Variants in CD86 observed in about 807,000 individuals in gnomAD.
CD86 encodes the protein T-lymphocyte activation antigen CD86.
CD86 carries 11 observed loss-of-function variants against 32.1 expected under a neutral mutation model. The ratio of observed to expected loss-of-function variants is 0.34; its 90% CI spans 0.22 to 0.57. The LOEUF (loss-of-function observed/expected upper bound fraction) is 0.57. Ranked by LOEUF, CD86 falls within the 20% of genes least tolerant of loss-of-function variation. The pLI, the probability that CD86 is intolerant of heterozygous loss-of-function variation, is 0.86. For synonymous variants in CD86, 137 were observed against 135.3 expected, an observed-to-expected ratio of 1.01 and a Z score of -0.09; for missense variants, 359 against 398.4, an observed-to-expected ratio of 0.90 and a Z score of 0.84.
At chr3:122,085,846 C>T (rs1383630028) in intron 1 of CD86, among the ~76,000 whole-genome samples, 7 of 152,304 alleles carry the variant, frequency 4.6e-5, no homozygotes, top group East Asian at 1.9e-4. Flanking sequence ...CTCCTCTCAG[C>T]GAGCTGGTGA....
chr3:122,078,944 G>A (rs527480174), intron 1 of CD86, among the ~76,000 whole-genome samples: 5 of 152,264 alleles, frequency 3.3e-5, no homozygotes, highest in East Asian at 1.9e-4. Flanking sequence ...TGCAGATACC[G>A]TTAATATTAT....
intron 1 of CD86, among the ~76,000 whole-genome samples, chr3:122,062,645 T>C (rs184774902): frequency 6.6e-6 from 1 of 152,270 alleles, no homozygotes; most frequent in African/African-American, 2.4e-5. Context: ...TTTGAGCTAG[T>C]TTGGTTGGTA....
intron 1 of CD86, among the ~76,000 whole-genome samples, chr3:122,070,809 G>A (rs914336787): frequency 2.6e-5 from 4 of 152,142 alleles, no homozygotes; most frequent in African/African-American, 7.2e-5. Flanking sequence ...GATTCCAAGG[G>A]TGCAACATAG....
chr3:122,115,567 A>T (rs1282725999), intron 5 of CD86, among the ~76,000 whole-genome samples: 1 of 151,998 alleles, frequency 6.6e-6, no homozygotes, highest in Non-Finnish European at 1.5e-5. Flanking sequence ...CTGAAAAATA[A>T]GAACAAAGGT....
rs1559911950 is a variant in CD86, at chr3:122,106,595, C to T, written c.703+95C>T. The T allele has an allele frequency of 3.7e-6, 4 of 1,083,966 alleles. No homozygotes were observed. The African/African-American group carries it at 6.3e-5, about 17-fold the overall frequency. 67.1% of individuals were successfully genotyped at this position (1,083,966 alleles called of 1,614,324 possible). A position where few individuals can be genotyped will look rare whatever the true frequency, so the allele number is the denominator to read the frequency against. ...ATGTCCCCGACTTGCTAGGAAACCT[C>T]CAACTGGGCCATTTTATGACGCTGT... On this transcript the variant is annotated intron_variant, in intron 4 of 6. Transcript: ENST00000330540.
chr3:122,059,063 G>A (rs776532680), intron 1 of CD86, among the ~76,000 whole-genome samples: 1 of 152,142 alleles, frequency 6.6e-6, no homozygotes, highest in Non-Finnish European at 1.5e-5. Flanking sequence ...AAGACAGATG[G>A]TGAATTCCTT....
intron 1 of CD86, among the ~76,000 whole-genome samples, chr3:122,066,362 G>A (rs1394400463): frequency 6.6e-6 from 1 of 152,100 alleles, no homozygotes; most frequent in East Asian, 1.9e-4. Context: ...CAGGGACAAG[G>A]CTAAGAACTT....
intron 1 of CD86, among the ~76,000 whole-genome samples, chr3:122,063,103 C>CTGTAATCA (rs1348349022): frequency 6.6e-6 from 1 of 152,194 alleles, no homozygotes; most frequent in Non-Finnish European, 1.5e-5. Context: ...TATTCTATAA[C>CTGTAATCA]TGTAATCACG....
intron 1 of CD86, among the ~76,000 whole-genome samples, chr3:122,063,619 G>T (rs2072370194): frequency 6.8e-6 from 1 of 147,266 alleles, no homozygotes; most frequent in South Asian, 2.1e-4. Context: ...TTTAAAGACA[G>T]AGTCTCACTC....
At chr3:122,071,202 C>T (rs974018416) in intron 1 of CD86, among the ~76,000 whole-genome samples, 1 of 152,104 alleles carries the variant, frequency 6.6e-6, no homozygotes, top group Admixed American at 6.6e-5. Flanking sequence ...TTGACAAATA[C>T]ACAATGTCAT....
chr3:122,063,239 C>T (rs1365850754), intron 1 of CD86, among the ~76,000 whole-genome samples: 1 of 152,116 alleles, frequency 6.6e-6, no homozygotes, highest in Non-Finnish European at 1.5e-5. Context: ...TGTATTCAAA[C>T]TTACACTTCT....
At position 122,109,334 on chromosome 3, in the gene CD86, T is replaced by C. The variant is rs115021223; in HGVS notation, c.773T>C (p.Ile258Thr). The change falls in exon 5 of 7, where the codon ATA becomes ACA. Residue 258 changes from isoleucine (I) to threonine (T), a missense_variant. Coordinates refer to ENST00000330540, the MANE Select transcript of CD86 (RefSeq NM_175862.5). ...ACAGCTGTACTTCCAACAGTTATTA[T>C]ATGTGTGATGGTTTTCTGTCTAATT... ...WITAVLPTVI[I>T]CVMVFCLILW... 2.2e-3 allele frequency: 3,488 copies of C among 1,614,072 alleles called. 8 individuals are homozygous for C. Among genetic ancestry groups the C allele is most frequent in the Non-Finnish European group, 2.8e-3 (3,277 of 1,179,946 alleles).
chr3:122,109,958 A>C (rs1277124942), intron 5 of CD86, among the ~76,000 whole-genome samples: 3 of 152,112 alleles, frequency 2.0e-5, no homozygotes, highest in African/African-American at 7.2e-5. Context: ...ATAATCTATA[A>C]CTCCACTAAT....
intron 5 of CD86, 121 bp from the exon 6 acceptor site, chr3:122,117,927 C>T: frequency 1.3e-6 from 1 of 774,714 alleles, no homozygotes. Flanking sequence ...ACTATCTCTT[C>T]CATATATAAA....
chr3:122,103,469 TCCTC>T, intron 2 of CD86, 39 bp from the exon 3 acceptor site: 1 of 1,368,694 alleles, frequency 7.3e-7, no homozygotes, highest in Admixed American at 2.1e-5. Context: ...TTTTCCCCTT[TCCTC>T]TTGTTTCTCC....
chr3:122,080,811 G>A (rs2072623489), intron 1 of CD86, among the ~76,000 whole-genome samples: 1 of 152,180 alleles, frequency 6.6e-6, no homozygotes. Flanking sequence ...GGAAAACAGA[G>A]CTCAGGATGG....
intron 1 of CD86, among the ~76,000 whole-genome samples, chr3:122,078,304 A>G (rs907272332): frequency 6.6e-6 from 1 of 152,180 alleles, no homozygotes; most frequent in Non-Finnish European, 1.5e-5. Context: ...AATAGGCAGG[A>G]AATAGAAGGT....
Position 122,064,306 on chromosome 3 carries a change from T to C in CD86, c.14+8803T>C, listed in dbSNP as rs372798536. Among the ~76,000 whole-genome samples, 7 of 152,280 alleles carry C rather than the reference T, an allele frequency of 4.6e-5. No homozygotes were observed. In the East Asian group the frequency reaches 1.2e-3, roughly 25 times the overall value. Reference sequence around the variant, plus strand: ...AAATAAGATAGTCATAGTAGTTACCTCTTGATTGATGGGATTATGGAAATA... The same window carrying C: ...AAATAAGATAGTCATAGTAGTTACCCCTTGATTGATGGGATTATGGAAATA... On this transcript the variant is annotated intron_variant, in intron 1 of 6. Transcript: ENST00000330540.
chr3:122,069,385 G>C (rs899628695), intron 1 of CD86, among the ~76,000 whole-genome samples: 2 of 152,152 alleles, frequency 1.3e-5, no homozygotes, highest in Admixed American at 6.5e-5. Flanking sequence ...AGATGGATAG[G>C]AACAAAGGTA....
Sources: gnomAD v4.1 joint callset for allele counts (sites outside exome capture counted in the v4.1 genomes callset) on GRCh38, gnomAD v4.1.1 for gene constraint, MANE v1.5 for transcripts, NCBI Gene and HGNC (gene_info 2026-07-23, HGNC 2026-07-21) for gene names.